The following ROCK2 variants were observed in gnomAD, a reference collection of about 807,000 sequenced individuals.
ROCK2 encodes the protein Rho associated coiled-coil containing protein kinase 2.
Under a neutral mutation model 195.1 loss-of-function variants are expected in ROCK2, and 61 were observed. The observed-to-expected ratio is 0.31, with a 90% CI of 0.25 to 0.39. The LOEUF (loss-of-function observed/expected upper bound fraction) is 0.39. Among genes scored for constraint, ROCK2 ranks in the 10% least tolerant of loss-of-function variants. ROCK2 has a pLI of 1.00. For synonymous variants in ROCK2, 504 were observed against 545.5 expected, an observed-to-expected ratio of 0.92 and a Z score of 1.06; for missense variants, 1,109 against 1,637.4, an observed-to-expected ratio of 0.68 and a Z score of 5.57.
chr2:11,196,804 T>C (rs1016927761), intron 27 of ROCK2, among the ~76,000 whole-genome samples: 1 of 152,010 alleles, frequency 6.6e-6, no homozygotes, highest in African/African-American at 2.4e-5. Context: ...TTGAGAGAAG[T>C]AGAGGAACGC....
At chr2:11,223,723 T>TA (rs563304166) in intron 7 of ROCK2, among the ~76,000 whole-genome samples, 148 of 152,278 alleles carry the variant, frequency 9.7e-4, no homozygotes, top group African/African-American at 3.0e-3. Flanking sequence ...ATCACAAATA[T>TA]AAAACGGGAC....
At chr2:11,222,266 A>C in intron 7 of ROCK2, 92 bp from the exon 8 acceptor site, 13 of 704,388 alleles carry the variant, frequency 1.8e-5, no homozygotes, top group Non-Finnish European at 2.6e-5. Context: ...TAAAGATCTC[A>C]AGTAAATTTG....
intron 1 of ROCK2, among the ~76,000 whole-genome samples, chr2:11,300,855 A>T (rs1032051091): frequency 1.0e-4 from 15 of 149,330 alleles, no homozygotes; most frequent in Non-Finnish European, 1.8e-4. Flanking sequence ...ACTAAGGTGC[A>T]AAAAAAAAAG....
intron 1 of ROCK2, among the ~76,000 whole-genome samples, chr2:11,317,165 A>T (rs2148240406): frequency 6.6e-6 from 1 of 152,254 alleles, no homozygotes; most frequent in Middle Eastern, 3.4e-3. Flanking sequence ...CAAGTAACTA[A>T]AAGACATGTA....
At chr2:11,231,519 T>G (rs1665010527) in intron 5 of ROCK2, among the ~76,000 whole-genome samples, 1 of 152,162 alleles carries the variant, frequency 6.6e-6, no homozygotes, top group African/African-American at 2.4e-5. Context: ...CTTCAGGTAA[T>G]TTAAAATACT....
At chr2:11,289,912 A>G (rs775067988) in intron 1 of ROCK2, among the ~76,000 whole-genome samples, 5 of 152,368 alleles carry the variant, frequency 3.3e-5, no homozygotes, top group Admixed American at 1.3e-4. Context: ...CATCTTGTTT[A>G]TAAAACCATT....
chr2:11,222,015 C>A, intron 8 of ROCK2, 68 bp downstream of exon 8: 1 of 903,168 alleles, frequency 1.1e-6, no homozygotes, highest in Non-Finnish European at 1.8e-6. Context: ...CTTGTTATTT[C>A]AAAAAAGGAA....
intron 3 of ROCK2, among the ~76,000 whole-genome samples, chr2:11,273,159 A>T (rs1666705880): frequency 5.9e-5 from 9 of 151,500 alleles, no homozygotes; most frequent in Non-Finnish European, 8.8e-5. Flanking sequence ...AACAGAAATA[A>T]ATTCTTCTTC....
At chr2:11,189,525 T>C (rs1191918816) in intron 32 of ROCK2, among the ~76,000 whole-genome samples, 1 of 152,238 alleles carries the variant, frequency 6.6e-6, no homozygotes, top group Non-Finnish European at 1.5e-5. Context: ...TGTTTAGTGC[T>C]ATTTATGATC....
At chr2:11,238,152 A>T (rs914890193) in intron 4 of ROCK2, among the ~76,000 whole-genome samples, 6 of 151,064 alleles carry the variant, frequency 4.0e-5, no homozygotes, top group African/African-American at 9.8e-5. Flanking sequence ...AGGCATCAGG[A>T]TGAAGAGAAG....
intron 3 of ROCK2, among the ~76,000 whole-genome samples, chr2:11,261,645 T>C (rs1004522657): frequency 6.6e-6 from 1 of 152,108 alleles, no homozygotes; most frequent in East Asian, 1.9e-4. Context: ...GGTGAAACCC[T>C]GTCTTTACTA....
chr2:11,327,735 G>C (rs1218659793), intron 1 of ROCK2, among the ~76,000 whole-genome samples: 1 of 152,100 alleles, frequency 6.6e-6, no homozygotes, highest in Admixed American at 6.5e-5. Context: ...GCTAATTTTT[G>C]TATTTTTTGT....
chr2:11,334,503 T>C (rs1216782445), intron 1 of ROCK2, among the ~76,000 whole-genome samples: 1 of 99,102 alleles, frequency 1.0e-5, no homozygotes, highest in Non-Finnish European at 1.9e-5. Context: ...AGAGAGAGAC[T>C]CTGTCTCAAA....
chr2:11,337,324 G>C (rs1051157513), intron 1 of ROCK2, among the ~76,000 whole-genome samples: 7 of 150,044 alleles, frequency 4.7e-5, no homozygotes, highest in African/African-American at 1.7e-4. Context: ...ATTTGACAAA[G>C]AGTGTTCTCT....
At chr2:11,342,833 T>C (rs1669147680) in intron 1 of ROCK2, among the ~76,000 whole-genome samples, 1 of 152,158 alleles carries the variant, frequency 6.6e-6, no homozygotes, top group Non-Finnish European at 1.5e-5. Context: ...AAAGACACTA[T>C]ATAGCTAAAG....
chr2:11,299,794 A>G (rs1667649662), intron 1 of ROCK2, among the ~76,000 whole-genome samples: 1 of 152,234 alleles, frequency 6.6e-6, no homozygotes, highest in African/African-American at 2.4e-5. Flanking sequence ...GGAAAAGTAA[A>G]AATGTTCTTC....
chr2:11,345,014 G>C (rs1337036552), upstream of ROCK2, among the ~76,000 whole-genome samples: 9 of 150,700 alleles, frequency 6.0e-5, no homozygotes, highest in South Asian at 6.3e-4. Context: ...CGTGCGCTGG[G>C]GGGGAGCCCG....
At chr2:11,282,607 CAAAA>C (rs70953381) in intron 3 of ROCK2, among the ~76,000 whole-genome samples, 1 of 123,372 alleles carries the variant, frequency 8.1e-6, no homozygotes, top group Non-Finnish European at 1.6e-5. Context: ...TATCTACATG[CAAAA>C]AAAAAAAAAA....
intron 32 of ROCK2, among the ~76,000 whole-genome samples, 167 bp downstream of exon 32, chr2:11,191,981 C>A (rs1355465488): frequency 6.6e-6 from 1 of 152,042 alleles, no homozygotes; most frequent in Non-Finnish European, 1.5e-5. Context: ...TCATCTGAAT[C>A]GATGAACATG....
Sources: allele counts gnomAD v4.1 joint callset (sites outside exome capture counted in the v4.1 genomes callset), GRCh38; gene constraint gnomAD v4.1.1; transcripts MANE v1.5; gene names NCBI Gene and HGNC (gene_info 2026-07-23, HGNC 2026-07-21).